NHSL1: variants seen among roughly 807,000 people sequenced by gnomAD.
The protein encoded by NHSL1 is NHS-like protein 1.
Under a neutral mutation model 95.0 loss-of-function variants are expected in NHSL1, and 48 were observed. The ratio of observed to expected loss-of-function variants is 0.51; its 90% CI spans 0.40 to 0.64. The LOEUF is 0.64. Among genes scored for constraint, NHSL1 ranks in the 30% least tolerant of loss-of-function variants. NHSL1 has a pLI of 0.00. For synonymous variants in NHSL1, 783 were observed against 833.9 expected (o/e 0.94, Z 1.05); for missense variants, 1,971 against 2,077.7 (o/e 0.95, Z 1.00).
intron 7 of NHSL1, among the ~76,000 whole-genome samples, chr6:138,428,359 C>T (rs1775400830): frequency 6.6e-6 from 1 of 152,164 alleles, no homozygotes; most frequent in South Asian, 2.1e-4. Flanking sequence ...ATGTGTCTAG[C>T]GTGGTTAAGA....
intron 2 of NHSL1, among the ~76,000 whole-genome samples, chr6:138,495,210 T>A (rs938757520): frequency 6.6e-6 from 1 of 152,158 alleles, no homozygotes; most frequent in Non-Finnish European, 1.5e-5. Context: ...ACCACTGCAC[T>A]CCAGCCTGGG....
chr6:138,497,680 T>C (rs1277907989), intron 1 of NHSL1, among the ~76,000 whole-genome samples: 2 of 152,278 alleles, frequency 1.3e-5, no homozygotes, highest in East Asian at 1.9e-4. Context: ...AGGTAAAACA[T>C]GGTTGTGGCA....
intron 7 of NHSL1, among the ~76,000 whole-genome samples, chr6:138,429,402 G>C (rs530460001): frequency 6.6e-6 from 1 of 152,108 alleles, no homozygotes; most frequent in East Asian, 1.9e-4. Flanking sequence ...ACTTTAATCC[G>C]ACTCTTGCTA....
intron 1 of NHSL1, among the ~76,000 whole-genome samples, chr6:138,551,772 A>C (rs532192786): frequency 5.9e-5 from 9 of 152,180 alleles, no homozygotes; most frequent in Non-Finnish European, 8.8e-5. Flanking sequence ...TAGTGCCTTC[A>C]GTCCATCCAG....
rs1414490814 is a variant in NHSL1 at position 138,447,170 on chromosome 6, T to G, written c.363A>C (p.Glu121Asp). The change falls in exon 4 of 8, where the codon GAA becomes GAC. Residue 121 changes from glutamate to aspartate, a missense_variant. Glu to Asp is a conservative substitution (Grantham distance 45). Transcript: ENST00000343505. ...DQKCSLSSSEEERFISIRRPK... is the reference protein window; with the variant it reads ...DQKCSLSSSEDERFISIRRPK... ...GTCTCCTGATGGAAATAAATCTTTC[T>G]TCTTCTGATGAAGACAGAGAACACT... 1.3e-6 allele frequency: 2 copies of G among 1,551,354 alleles called. No individual in the cohort carries two copies. Among genetic ancestry groups the G allele is most frequent in the African/African-American group, 1.4e-5 (1 of 73,158 alleles).
At chr6:138,599,346 T>C (rs1342318217) in intron 1 of NHSL1, among the ~76,000 whole-genome samples, 1 of 152,084 alleles carries the variant, frequency 6.6e-6, no homozygotes, top group African/African-American at 2.4e-5. Flanking sequence ...AGCCCATCTC[T>C]ACTAAAAGTA....
At chr6:138,452,431 C>T (rs1777297944) in intron 3 of NHSL1, among the ~76,000 whole-genome samples, 1 of 151,876 alleles carries the variant, frequency 6.6e-6, no homozygotes, top group Non-Finnish European at 1.5e-5. Flanking sequence ...AACTAAGAAA[C>T]ACAGATTAAT....
chr6:138,569,519 C>G (rs1246887862), intron 1 of NHSL1, among the ~76,000 whole-genome samples: 1 of 152,176 alleles, frequency 6.6e-6, no homozygotes, highest in Non-Finnish European at 1.5e-5. Flanking sequence ...CAAATCCTAA[C>G]GTGGCCATTG....
At chr6:138,645,807 G>A (rs548236600) in intron 1 of NHSL1, among the ~76,000 whole-genome samples, 2 of 152,200 alleles carry the variant, frequency 1.3e-5, no homozygotes, top group South Asian at 2.1e-4. Flanking sequence ...CACCTGGCCT[G>A]TAGTGTTTTT....
chr6:138,446,844 T>G, intron 4 of NHSL1, 157 bp downstream of exon 4: 1 of 674,390 alleles, frequency 1.5e-6, no homozygotes, highest in Non-Finnish European at 2.5e-6. Context: ...TGCACACACA[T>G]ATGTAGTTTT....
intron 1 of NHSL1, among the ~76,000 whole-genome samples, chr6:138,635,938 T>C (rs1361167022): frequency 7.7e-6 from 1 of 130,192 alleles, no homozygotes; most frequent in East Asian, 2.1e-4. Context: ...AATAGTGAAA[T>C]GCCGTCTCTA....
chr6:138,529,428 C>T lies in NHSL1; in HGVS notation c.16+16195G>A, dbSNP rs550454484. Among the ~76,000 whole-genome samples the T allele has an allele frequency of 1.6e-3, 241 of 152,262 alleles. 1 individual carries two copies. Among genetic ancestry groups the T allele is most frequent in the Non-Finnish European group, 2.4e-3 (160 of 68,012 alleles). ...TAAAGGCTCATTCTCAATGTTGCCTCGGATGAGAGCCATGTTATGATGAGT... is the reference window on the plus strand; with the variant it reads ...TAAAGGCTCATTCTCAATGTTGCCTTGGATGAGAGCCATGTTATGATGAGT... On this transcript the variant is annotated intron_variant, in intron 1 of 4. Coordinates refer to the NHSL1 transcript ENST00000342260.
At chr6:138,564,347 C>T (rs998122983) in intron 1 of NHSL1, among the ~76,000 whole-genome samples, 4 of 152,140 alleles carry the variant, frequency 2.6e-5, no homozygotes, top group Non-Finnish European at 4.4e-5. Flanking sequence ...TTTGATCCAT[C>T]ACTGTTTTTA....
chr6:138,687,279 T>TA (rs111469319), intron 1 of NHSL1, among the ~76,000 whole-genome samples: 21,364 of 143,094 alleles, frequency 0.15, 1,649 homozygotes, highest in East Asian at 0.37. Flanking sequence ...CTTTTTAAAT[T>TA]AAAAAAAAAA....
rs945315261 is a variant in NHSL1 at position 138,422,734 on chromosome 6, T to C, written c.*1347A>G. 3 of 152,244 alleles carry C rather than the reference T, an allele frequency of 2.0e-5. No individual in the cohort carries two copies. The highest frequency in any genetic ancestry group is 7.2e-5 in the African/African-American group (3 of 41,466). 9.4% of individuals were successfully genotyped at this position (152,244 alleles called of 1,614,324 possible). ...TGTTGAAAATCTGATTGGAGAAGATTAGAAGTAATTAGCAACTCAATTATT... is the reference window on the plus strand; with the variant it reads ...TGTTGAAAATCTGATTGGAGAAGATCAGAAGTAATTAGCAACTCAATTATT... On this transcript the variant is annotated 3_prime_UTR_variant, in exon 8 of 8. Coordinates refer to ENST00000343505, the MANE Select transcript of NHSL1 (RefSeq NM_001144060.2).
intron 1 of NHSL1, among the ~76,000 whole-genome samples, chr6:138,605,461 C>T (rs1417830581): frequency 6.6e-6 from 1 of 152,030 alleles, no homozygotes; most frequent in African/African-American, 2.4e-5. Flanking sequence ...TCTCACCCCC[C>T]ACAAAAAAAA....
intron 3 of NHSL1, among the ~76,000 whole-genome samples, chr6:138,462,569 T>C (rs536829140): frequency 2.6e-5 from 4 of 152,122 alleles, no homozygotes; most frequent in Non-Finnish European, 4.4e-5. Flanking sequence ...ACTCCATCCA[T>C]ATCCAAACCA....
At chr6:138,509,508 AG>A (rs777638453) in intron 1 of NHSL1, among the ~76,000 whole-genome samples, 7 of 152,234 alleles carry the variant, frequency 4.6e-5, no homozygotes, top group Non-Finnish European at 8.8e-5. Flanking sequence ...ATGAGAGCAA[AG>A]GAAGACTTCC....
chr6:138,610,216 TA>T (rs2114592845), intron 1 of NHSL1, among the ~76,000 whole-genome samples: 1 of 152,232 alleles, frequency 6.6e-6, no homozygotes, highest in East Asian at 1.9e-4. Flanking sequence ...TAGCAAATAC[TA>T]AAACCACAAC....
Sources: gnomAD v4.1 joint callset for allele counts (sites outside exome capture counted in the v4.1 genomes callset) on GRCh38, gnomAD v4.1.1 for gene constraint, MANE v1.5 for transcripts, NCBI Gene and HGNC (gene_info 2026-07-23, HGNC 2026-07-21) for gene names.